RFC3: variants seen among roughly 807,000 people sequenced by gnomAD.
RFC3 encodes the protein A1 38 kDa subunit.
A neutral mutation model predicts 45.1 loss-of-function variants in RFC3; 41 were observed. That is an observed-to-expected ratio of 0.91 (90% confidence interval 0.71 to 1.18). RFC3 has a LOEUF of 1.18. Ranked by LOEUF, RFC3 falls within the 50% of genes most tolerant of loss-of-function variation. The pLI, the probability that RFC3 is intolerant of heterozygous loss-of-function variation, is 0.00. For missense variants in RFC3, 423 were observed against 428.1 expected (o/e 0.99, Z 0.10); for synonymous variants, 149 against 144.0 (o/e 1.03, Z -0.25).
At chr13:33,925,154 A>G (rs192990256) in intron 8 of RFC3, among the ~76,000 whole-genome samples, 1 of 146,634 alleles carries the variant, frequency 6.8e-6, no homozygotes, top group Admixed American at 6.8e-5. Context: ...TACTATATAC[A>G]TACACATATA....
At chr13:33,834,812 T>G (rs2082138470) in intron 7 of RFC3, among the ~76,000 whole-genome samples, 1 of 152,094 alleles carries the variant, frequency 6.6e-6, no homozygotes, top group Non-Finnish European at 1.5e-5. Context: ...CTTCATGAAG[T>G]CTCAATTTCT....
At chr13:33,880,609 T>A (rs2082476551) in intron 8 of RFC3, among the ~76,000 whole-genome samples, 1 of 152,216 alleles carries the variant, frequency 6.6e-6, no homozygotes, top group Admixed American at 6.5e-5. Flanking sequence ...AAATTTTATT[T>A]AATTTAAATC....
intron 8 of RFC3, among the ~76,000 whole-genome samples, chr13:33,858,592 A>G (rs2082321490): frequency 6.6e-6 from 1 of 152,124 alleles, no homozygotes; most frequent in South Asian, 2.1e-4. Context: ...TTTTGAGAAG[A>G]TTTCCTAGAG....
chr13:33,898,346 CAA>C (rs1228243426), intron 8 of RFC3, among the ~76,000 whole-genome samples: 1 of 151,714 alleles, frequency 6.6e-6, no homozygotes, highest in Non-Finnish European at 1.5e-5. Context: ...AATCAATTAA[CAA>C]GAGGAATTTT....
chr13:33,972,051 G>A, the RFC3 span, among the ~76,000 whole-genome samples: 1 of 152,194 alleles, frequency 6.6e-6, no homozygotes, highest in African/African-American at 2.4e-5. Context: ...GGCAATGGAG[G>A]TTGGCAGTGA....
chr13:33,832,390 G>A (rs1405558349), intron 7 of RFC3, among the ~76,000 whole-genome samples: 1 of 152,092 alleles, frequency 6.6e-6, no homozygotes, highest in Non-Finnish European at 1.5e-5. Context: ...AGAGGAATAT[G>A]CCATGTTTCT....
At chr13:33,900,180 A>G (rs1404714634) in intron 8 of RFC3, among the ~76,000 whole-genome samples, 1 of 151,930 alleles carries the variant, frequency 6.6e-6, no homozygotes, top group East Asian at 1.9e-4. Context: ...AAAAGCAATT[A>G]TAAAATGTAT....
At chr13:33,933,471 T>G (rs1479227180) in intron 8 of RFC3, among the ~76,000 whole-genome samples, 1 of 152,174 alleles carries the variant, frequency 6.6e-6, no homozygotes, top group African/African-American at 2.4e-5. Flanking sequence ...AGATGCTCAT[T>G]TCCTTTAACT....
chr13:33,869,228 C>T (rs2082392381), intron 8 of RFC3, among the ~76,000 whole-genome samples: 1 of 152,152 alleles, frequency 6.6e-6, no homozygotes, highest in South Asian at 2.1e-4. Context: ...ACACAATATC[C>T]TTTTGGCAAA....
chr13:33,880,687 G>C (rs754287515), intron 8 of RFC3, among the ~76,000 whole-genome samples: 2 of 152,154 alleles, frequency 1.3e-5, no homozygotes, highest in Non-Finnish European at 2.9e-5. Flanking sequence ...GACCATGGTA[G>C]ATCAACTCTG....
chr13:33,897,149 CTA>C (rs879569779), intron 8 of RFC3, among the ~76,000 whole-genome samples: 7 of 152,064 alleles, frequency 4.6e-5, no homozygotes, highest in Non-Finnish European at 1.0e-4. Context: ...ATTTATAACT[CTA>C]GTTTGAAACT....
chr13:33,926,309 G>A (rs1024731281), intron 8 of RFC3, among the ~76,000 whole-genome samples: 1 of 151,586 alleles, frequency 6.6e-6, no homozygotes, highest in African/African-American at 2.4e-5. Flanking sequence ...GTATACATAT[G>A]TAACTAACCT....
intron 8 of RFC3, among the ~76,000 whole-genome samples, chr13:33,865,887 C>CAACA (rs2082370240): frequency 1.3e-5 from 2 of 152,058 alleles, no homozygotes; most frequent in African/African-American, 4.8e-5. Context: ...AACCCTGTCT[C>CAACA]TACTAAAAAT....
intron 8 of RFC3, among the ~76,000 whole-genome samples, chr13:33,910,728 T>C (rs2082698975): frequency 1.3e-5 from 2 of 152,090 alleles, no homozygotes; most frequent in African/African-American, 4.8e-5. Context: ...AAGAAATATG[T>C]GAGACTGGGT....
At chr13:33,875,421 G>A (rs2082439757) in intron 8 of RFC3, among the ~76,000 whole-genome samples, 1 of 152,164 alleles carries the variant, frequency 6.6e-6, no homozygotes, top group South Asian at 2.1e-4. Context: ...AGGCAGAGGA[G>A]TGGCATGCCC....
intron 8 of RFC3, among the ~76,000 whole-genome samples, chr13:33,914,943 G>T (rs201625890): frequency 1.3e-5 from 2 of 152,196 alleles, no homozygotes; most frequent in East Asian, 1.9e-4. Flanking sequence ...TCTTTTTTCA[G>T]TCTTCAACAA....
At chr13:33,962,166 C>G (rs2083061263) in intron 8 of RFC3, among the ~76,000 whole-genome samples, 1 of 152,166 alleles carries the variant, frequency 6.6e-6, no homozygotes, top group African/African-American at 2.4e-5. Flanking sequence ...CAAACTTCCT[C>G]TCCTTTCTCT....
intron 8 of RFC3, among the ~76,000 whole-genome samples, chr13:33,965,271 A>G (rs2137876758): frequency 6.6e-6 from 1 of 152,288 alleles, no homozygotes; most frequent in Non-Finnish European, 1.5e-5. Flanking sequence ...TGATAAAAAT[A>G]ATACAGTCAT....
intron 8 of RFC3, among the ~76,000 whole-genome samples, chr13:33,926,009 C>T (rs1278697940): frequency 6.6e-6 from 1 of 151,726 alleles, no homozygotes; most frequent in Non-Finnish European, 1.5e-5. Context: ...ACATATACAC[C>T]ATGGAATACT....
Sources: gnomAD v4.1 joint callset for allele counts (sites outside exome capture counted in the v4.1 genomes callset) on GRCh38, gnomAD v4.1.1 for gene constraint, MANE v1.5 for transcripts, NCBI Gene and HGNC (gene_info 2026-07-23, HGNC 2026-07-21) for gene names.